The following ZBTB20 variants were observed in gnomAD, a reference collection of about 807,000 sequenced individuals.
The protein encoded by ZBTB20 is zinc finger and BTB domain containing 20, also known as zinc finger and BTB domain-containing protein 20.
A neutral mutation model predicts 56.9 loss-of-function variants in ZBTB20; 9 were observed. The ratio of observed to expected loss-of-function variants is 0.16; its 90% CI spans 0.10 to 0.28. The LOEUF (loss-of-function observed/expected upper bound fraction) is 0.28. ZBTB20 is among the 10% of genes least tolerant of loss of function. The pLI is 1.00. For synonymous variants in ZBTB20, 417 were observed against 420.7 expected (o/e 0.99, Z 0.11); for missense variants, 655 against 1,003.0 (o/e 0.65, Z 4.69).
intron 2 of ZBTB20, among the ~76,000 whole-genome samples, chr3:115,068,874 T>C (rs1414291494): frequency 6.6e-6 from 1 of 151,988 alleles, no homozygotes; most frequent in African/African-American, 2.4e-5. Context: ...ATTGCATTGC[T>C]TGTTTGAAAA....
chr3:114,825,355 T>C (rs1263072250), intron 4 of ZBTB20, among the ~76,000 whole-genome samples: 1 of 151,964 alleles, frequency 6.6e-6, no homozygotes, highest in Non-Finnish European at 1.5e-5. Flanking sequence ...CACTTAAACA[T>C]ATTAGCCTAT....
chr3:114,766,562 T>C (rs75503271), intron 5 of ZBTB20, among the ~76,000 whole-genome samples: 5,124 of 150,450 alleles, frequency 0.034, 137 homozygotes, highest in African/African-American at 0.069. Context: ...GGTAGGTCAA[T>C]GAAGAAATAC....
chr3:115,124,867 A>G (rs1208245300), intron 1 of ZBTB20, among the ~76,000 whole-genome samples: 1 of 151,960 alleles, frequency 6.6e-6, no homozygotes, highest in East Asian at 1.9e-4. Context: ...AAAAGCATGA[A>G]CCATTAAAGA....
intron 10 of ZBTB20, among the ~76,000 whole-genome samples, chr3:114,376,918 T>C (rs1257170175): frequency 6.6e-6 from 1 of 152,108 alleles, no homozygotes; most frequent in Non-Finnish European, 1.5e-5. Context: ...GAGCCTTATT[T>C]GGGGGAAAAC....
chr3:114,945,800 T>C (rs1442119996), intron 3 of ZBTB20, among the ~76,000 whole-genome samples: 4 of 144,842 alleles, frequency 2.8e-5, no homozygotes, highest in African/African-American at 5.7e-5. Context: ...GACACATACC[T>C]TAAAAGTAAG....
In ZBTB20 at chr3:114,700,866, G is replaced by T. The variant is rs538236859; in HGVS notation, c.-342-7291C>A. On this transcript the variant is annotated intron_variant, in intron 5 of 11. Transcript: ENST00000675478. ...CCATTATAAACCTTATGCTTATGGG[G>T]TTTGTAATTCAGTTAAAATGATCAG... Among the ~76,000 whole-genome samples the T allele has an allele frequency of 2.0e-5, 3 of 152,302 alleles. No homozygotes were observed. In the East Asian group the frequency reaches 5.8e-4, roughly 29 times the overall value.
chr3:114,939,959 C>A (rs260174), intron 3 of ZBTB20, among the ~76,000 whole-genome samples: 144,217 of 146,044 alleles, frequency 0.99, 71,609 homozygotes, highest in Middle Eastern at 1. Context: ...TTTTTATTTT[C>A]ATTGTAGCAT....
At chr3:114,801,721 C>T (rs930797990) in intron 4 of ZBTB20, among the ~76,000 whole-genome samples, 4 of 151,766 alleles carry the variant, frequency 2.6e-5, no homozygotes, top group African/African-American at 9.7e-5. Context: ...TATTTAACAA[C>T]ACAAAATGGC....
At chr3:114,848,095 T>C (rs1456258674) in intron 4 of ZBTB20, among the ~76,000 whole-genome samples, 2 of 152,128 alleles carry the variant, frequency 1.3e-5, no homozygotes, top group African/African-American at 4.8e-5. Context: ...TAATATTATC[T>C]AGAATGACAG....
At chr3:114,600,647 T>G (rs2056688482) in intron 6 of ZBTB20, among the ~76,000 whole-genome samples, 1 of 152,028 alleles carries the variant, frequency 6.6e-6, no homozygotes, top group African/African-American at 2.4e-5. Context: ...CTTCCTCATA[T>G]TCATTACATT....
intron 6 of ZBTB20, among the ~76,000 whole-genome samples, chr3:114,554,664 T>C (rs917491075): frequency 6.6e-5 from 10 of 152,200 alleles, no homozygotes; most frequent in African/African-American, 2.4e-4. Flanking sequence ...TTCTATTTGA[T>C]CTTTGGCTCT....
chr3:114,352,380 G>C (rs1442656474), intron 10 of ZBTB20, among the ~76,000 whole-genome samples: 2 of 152,122 alleles, frequency 1.3e-5, no homozygotes, highest in East Asian at 3.9e-4. Context: ...CATACACAGT[G>C]ACCATATTCA....
At chr3:115,088,833 A>G (rs965687723) in intron 1 of ZBTB20, among the ~76,000 whole-genome samples, 9 of 151,824 alleles carry the variant, frequency 5.9e-5, no homozygotes, top group African/African-American at 2.2e-4. Context: ...TTTTAAGACC[A>G]ATAACAATGG....
intron 6 of ZBTB20, among the ~76,000 whole-genome samples, chr3:114,544,080 A>G (rs1442544820): frequency 2.6e-5 from 4 of 152,218 alleles, no homozygotes; most frequent in Non-Finnish European, 5.9e-5. Flanking sequence ...TGAGAACAAC[A>G]TTCTTATCTC....
chr3:115,099,927 TAATTA>T (rs1436342926), intron 1 of ZBTB20, among the ~76,000 whole-genome samples: 1 of 152,138 alleles, frequency 6.6e-6, no homozygotes, highest in African/African-American at 2.4e-5. Flanking sequence ...GATTTGTTTG[TAATTA>T]TTTTTAAAGT....
At chr3:114,900,753 G>GTT (rs1157257967) in intron 3 of ZBTB20, 1 of 151,916 alleles carries the variant, frequency 6.6e-6, no homozygotes, top group Non-Finnish European at 1.5e-5. Context: ...TCTGCACTCA[G>GTT]TTTGGATAGA....
At chr3:114,443,234 C>T (rs1261614904) in intron 7 of ZBTB20, among the ~76,000 whole-genome samples, 1 of 152,172 alleles carries the variant, frequency 6.6e-6, no homozygotes, top group African/African-American at 2.4e-5. Context: ...TGGCTTATAA[C>T]AGATGCAACC....
At chr3:114,957,672 T>G (rs2077294977) in intron 3 of ZBTB20, among the ~76,000 whole-genome samples, 1 of 152,192 alleles carries the variant, frequency 6.6e-6, no homozygotes, top group Non-Finnish European at 1.5e-5. Flanking sequence ...CAGTAGTGCT[T>G]CCTTTTCATC....
At chr3:114,376,646 A>G (rs1366798358) in intron 10 of ZBTB20, among the ~76,000 whole-genome samples, 3 of 152,184 alleles carry the variant, frequency 2.0e-5, no homozygotes, top group Non-Finnish European at 4.4e-5. Flanking sequence ...GATGCTACCT[A>G]CGGAGCTAAA....
Sources: allele counts gnomAD v4.1 joint callset (sites outside exome capture counted in the v4.1 genomes callset), GRCh38; gene constraint gnomAD v4.1.1; transcripts MANE v1.5; gene names NCBI Gene and HGNC (gene_info 2026-07-23, HGNC 2026-07-21).